Variants in PRICKLE2 observed in about 807,000 individuals in gnomAD.
The protein encoded by PRICKLE2 is prickle planar cell polarity protein 2, also known as prickle-like protein 2.
PRICKLE2 carries 21 observed loss-of-function variants against 81.4 expected under a neutral mutation model. The ratio of observed to expected loss-of-function variants is 0.26; its 90% CI spans 0.18 to 0.37. The LOEUF (loss-of-function observed/expected upper bound fraction) is 0.37, where lower values mean the gene tolerates loss of function less well. Ranked by LOEUF, PRICKLE2 falls within the 10% of genes least tolerant of loss-of-function variation. The pLI is 1.00. For synonymous variants in PRICKLE2, 456 were observed against 421.5 expected (o/e 1.08, Z -1.00); for missense variants, 940 against 1,109.0 (o/e 0.85, Z 2.16).
At chr3:64,164,318 C>T (rs187207616) in intron 2 of PRICKLE2, among the ~76,000 whole-genome samples, 40 of 152,144 alleles carry the variant, frequency 2.6e-4, no homozygotes, top group Middle Eastern at 3.4e-3. Context: ...GCCTGGGCAA[C>T]AGAGCAAGAC....
chr3:64,203,287 T>C (rs974926923), intron 1 of PRICKLE2, among the ~76,000 whole-genome samples: 4 of 152,212 alleles, frequency 2.6e-5, no homozygotes, highest in Non-Finnish European at 1.5e-5. Context: ...AGTAACTCTT[T>C]AATTAATCAG....
Position 64,147,613 on chromosome 3 carries a change from G to C in PRICKLE2, c.877C>G (p.Leu293Val). The change falls in exon 7 of 8, where the codon CTG becomes GTG. Residue 293 changes from leucine to valine, a missense_variant. Leu to Val is a conservative substitution (Grantham distance 32, BLOSUM62 1). Coordinates refer to ENST00000638394, the MANE Select transcript of PRICKLE2 (RefSeq NM_198859.4). The surrounding 1 kb of genome is among the most constrained non-coding windows in gnomAD (Gnocchi z 5.0). ...FCCAHCKKSLLGRPFLPKQGQ... is the reference protein window; with the variant it reads ...FCCAHCKKSLVGRPFLPKQGQ... ...TGCTTCGGGAGGAATGGCCGCCCCAGGAGGGATTTCTTGCAGTGAGCACAG... is the reference window on the plus strand; with the variant it reads ...TGCTTCGGGAGGAATGGCCGCCCCACGAGGGATTTCTTGCAGTGAGCACAG... 1 of 1,614,186 alleles carries C rather than the reference G, an allele frequency of 6.2e-7. No homozygotes were observed. Among genetic ancestry groups the C allele is most frequent in the Non-Finnish European group, 8.5e-7 (1 of 1,180,032 alleles).
chr3:64,239,232 A>G (rs975164047), intron 2 of PRICKLE2, among the ~76,000 whole-genome samples: 3 of 152,130 alleles, frequency 2.0e-5, no homozygotes, highest in African/African-American at 7.2e-5. Context: ...GAGCACACAG[A>G]GCCCTGCTGG....
rs901101389 is a variant in PRICKLE2 at position 64,240,101 on chromosome 3, C to T, written c.129-41134G>A. Among the ~76,000 whole-genome samples the T allele has an allele frequency of 5.9e-5, 9 of 151,930 alleles. No individual in the cohort carries two copies. The South Asian group carries it at 8.3e-4, about 14-fold the overall frequency. Reference sequence around the variant, plus strand: ...TCACACCACGGCACTCCAGCCTGTGCGACAGAGACCCTGTCTCAAAAAATA... The same window carrying T: ...TCACACCACGGCACTCCAGCCTGTGTGACAGAGACCCTGTCTCAAAAAATA... On this transcript the variant is annotated intron_variant, in intron 2 of 8. Transcript: ENST00000295902.
At chr3:64,250,225 C>A (rs2107179365) in intron 2 of PRICKLE2, among the ~76,000 whole-genome samples, 1 of 152,342 alleles carries the variant, frequency 6.6e-6, no homozygotes, top group Non-Finnish European at 1.5e-5. Flanking sequence ...AACCTCAACA[C>A]TGCTGACATT....
At chr3:64,114,434 C>T (rs1296704397) in intron 7 of PRICKLE2, among the ~76,000 whole-genome samples, 1 of 152,012 alleles carries the variant, frequency 6.6e-6, no homozygotes, top group East Asian at 1.9e-4. Context: ...GATCATTGAG[C>T]TCAGTACACT....
rs1051022101 is a variant in PRICKLE2, at chr3:64,131,192, G to A, written c.1660+15638C>T. 4.6e-5 allele frequency among the ~76,000 whole-genome samples: 7 copies of A among 152,292 alleles called. No individual in the cohort carries two copies. In the East Asian group the frequency reaches 5.8e-4, roughly 13 times the overall value. Reference sequence around the variant, plus strand: ...TGGCCTCATCTGTTTCATCACAAGCGATAAGACCGTAGGAGGACAATATTC... The same window carrying A: ...TGGCCTCATCTGTTTCATCACAAGCAATAAGACCGTAGGAGGACAATATTC... On this transcript the variant is annotated intron_variant, in intron 7 of 7. Transcript: ENST00000638394.
Position 64,146,923 on chromosome 3 carries a change from G to A in PRICKLE2, c.1567C>T (p.Pro523Ser). The A allele has an allele frequency of 6.2e-7, 1 of 1,614,158 alleles. No homozygotes were observed. Among genetic ancestry groups the A allele is most frequent in the Non-Finnish European group, 8.5e-7 (1 of 1,180,008 alleles). Residue 523 changes from proline (P) to serine (S), a missense_variant, in exon 7 of 8, where the codon CCC (proline) becomes TCC (serine). Transcript: ENST00000638394. ...TCTGTGTATTTCAGGGAACTGATGGGATGACGGGTCCGACACTGCTGAGTG... is the reference window on the plus strand; with the variant it reads ...TCTGTGTATTTCAGGGAACTGATGGAATGACGGGTCCGACACTGCTGAGTG... Reference protein sequence around the residue: ...LSTQQCRTRHPISSLKYTEDM... With the variant: ...LSTQQCRTRHSISSLKYTEDM...
At chr3:64,236,808 T>C (rs1258526947) in intron 2 of PRICKLE2, among the ~76,000 whole-genome samples, 1 of 152,196 alleles carries the variant, frequency 6.6e-6, no homozygotes, top group Non-Finnish European at 1.5e-5. Flanking sequence ...AAAACATGAA[T>C]GACGGTGACA....
At position 64,095,104 on chromosome 3, in the gene PRICKLE2, A is replaced by G. The variant is rs1275476548; in HGVS notation, c.*3947T>C. 6.6e-6 allele frequency: 1 copy of G among 152,522 alleles called. No individual in the cohort carries two copies. The highest frequency in any genetic ancestry group is 2.4e-5 in the African/African-American group (1 of 41,458). The allele number at this position is 152,522 out of a possible 1,614,324, so 9.4% of individuals were successfully genotyped here. On this transcript the variant is annotated 3_prime_UTR_variant, in exon 8 of 8. Coordinates refer to ENST00000638394, the MANE Select transcript of PRICKLE2 (RefSeq NM_198859.4). ...ATTTTTTGTTAGAAGGTGGGATTAC[A>G]TGAAGAATAAGATGAAGTCTTACCT...
intron 2 of PRICKLE2, among the ~76,000 whole-genome samples, chr3:64,195,589 C>G (rs1431172865): frequency 2.0e-5 from 3 of 152,092 alleles, no homozygotes; most frequent in Non-Finnish European, 2.9e-5. Flanking sequence ...TCTCAGACAG[C>G]TAATATGATA....
chr3:64,103,084 T>C (rs1178096820), intron 7 of PRICKLE2: 3 of 152,214 alleles, frequency 2.0e-5, no homozygotes, highest in Admixed American at 1.3e-4. Context: ...TATAACTTTT[T>C]TTAAGTCTGA....
At chr3:64,213,954 T>C (rs2078832305) in intron 1 of PRICKLE2, among the ~76,000 whole-genome samples, 1 of 152,176 alleles carries the variant, frequency 6.6e-6, no homozygotes, top group Non-Finnish European at 1.5e-5. Context: ...GATGTGCTTT[T>C]TCCCCTGTTC....
At chr3:64,264,024 T>C (rs1000800282) in intron 2 of PRICKLE2, among the ~76,000 whole-genome samples, 1 of 151,716 alleles carries the variant, frequency 6.6e-6, no homozygotes, top group Non-Finnish European at 1.5e-5. Context: ...GGTTACTGAG[T>C]ATAAATTATA....
At chr3:64,247,724 T>C (rs1559602497) in intron 2 of PRICKLE2, among the ~76,000 whole-genome samples, 1 of 152,182 alleles carries the variant, frequency 6.6e-6, no homozygotes, top group South Asian at 2.1e-4. Context: ...ACTCCCCCTA[T>C]CCCCTGCCAA....
chr3:64,264,947 C>T (rs570030085), intron 2 of PRICKLE2, among the ~76,000 whole-genome samples: 1 of 152,246 alleles, frequency 6.6e-6, no homozygotes, highest in East Asian at 1.9e-4. Context: ...TCTCAAAGGC[C>T]TCTGGGCTAA....
chr3:64,129,771 G>A (rs152296), intron 7 of PRICKLE2, among the ~76,000 whole-genome samples: 72,740 of 151,802 alleles, frequency 0.48, 18,028 homozygotes, highest in East Asian at 0.83. Context: ...CTGTGTCCTG[G>A]CTGCTGGGGG....
intron 7 of PRICKLE2, among the ~76,000 whole-genome samples, chr3:64,135,684 C>T (rs1038780606): frequency 4.7e-5 from 6 of 127,900 alleles, no homozygotes; most frequent in East Asian, 2.3e-4. Context: ...GGACGAGGAA[C>T]GATCACAGAT....
upstream of PRICKLE2, among the ~76,000 whole-genome samples, chr3:64,228,856 T>C (rs1436175911): frequency 1.3e-5 from 2 of 152,166 alleles, no homozygotes; most frequent in African/African-American, 4.8e-5. Context: ...ATGACCATAA[T>C]TGCATATAGT....
Sources: allele counts gnomAD v4.1 joint callset (sites outside exome capture counted in the v4.1 genomes callset), GRCh38; gene constraint gnomAD v4.1.1; non-coding constraint Gnocchi (gnomAD v3.1); transcripts MANE v1.5; gene names NCBI Gene and HGNC (gene_info 2026-07-23, HGNC 2026-07-21).